Variants in FMNL3 observed in about 807,000 individuals in gnomAD.
The protein encoded by FMNL3 is formin like 3.
A neutral mutation model predicts 119.6 loss-of-function variants in FMNL3; 57 were observed. That is an observed-to-expected ratio of 0.48 (90% CI 0.39 to 0.59). FMNL3 has a LOEUF of 0.59. FMNL3 is among the 20% of genes least tolerant of loss of function. FMNL3 has a pLI of 0.00. For synonymous variants in FMNL3, 491 were observed against 507.3 expected (o/e 0.97, Z 0.43); for missense variants, 1,053 against 1,323.5 (o/e 0.80, Z 3.17).
rs781235317 is a variant in FMNL3 at position 49,636,817 on chromosome 12, C to A, written c.*8998G>T. 1.2e-5 allele frequency: 20 copies of A among 1,614,156 alleles called. No individual in the cohort carries two copies. Among genetic ancestry groups the A allele is most frequent in the Non-Finnish European group, 1.7e-5 (20 of 1,180,022 alleles). The stretch of plus-strand genomic sequence containing the variant: ...GGAGCGGGCCCGGCTTCGGGAGCGA[C>A]GCCAACAACGCAAGAATCGGGAGGC... On this transcript the variant is annotated 3_prime_UTR_variant, in exon 26 of 26. Transcript: ENST00000335154.
At chr12:49,688,798 C>A (rs980527736) in intron 1 of FMNL3, among the ~76,000 whole-genome samples, 14 of 152,094 alleles carry the variant, frequency 9.2e-5, no homozygotes, top group Admixed American at 7.2e-4. Flanking sequence ...CCATTCCCCC[C>A]AAAATACAAT....
At position 49,707,335 on chromosome 12, in the gene FMNL3, C is replaced by T; in HGVS notation, c.-155G>A. Reference sequence around the variant, plus strand: ...GCGCCGGGGGTTCCCTGGAGTCCCGCTGGCGGGGGCGCGCGGCGAGGGCGG... The same window carrying T: ...GCGCCGGGGGTTCCCTGGAGTCCCGTTGGCGGGGGCGCGCGGCGAGGGCGG... On this transcript the variant is annotated 5_prime_UTR_variant, in exon 1 of 26. Transcript: ENST00000335154. The T allele has an allele frequency of 1.7e-6, 1 of 600,396 alleles. No homozygotes were observed. The highest frequency in any genetic ancestry group is 2.5e-6 in the Non-Finnish European group (1 of 392,284). The allele number at this position is 600,396 out of a possible 1,614,324, so 37.2% of individuals were successfully genotyped here. A position where few individuals can be genotyped will look rare whatever the true frequency, so the allele number is the denominator to read the frequency against.
In FMNL3 at chr12:49,693,690, C is replaced by CCAG. The variant is rs1425960580; in HGVS notation, c.126+13362_126+13364dup. On this transcript the variant is annotated intron_variant, in intron 1 of 25. Transcript: ENST00000335154. ...TGAGACAGAGTTTCGCTCTTGTTGC[C>CCAG]CAGGCTGGAGTGCAATGGTGCAATC... is the stretch of plus-strand genomic sequence containing the variant. 9.6e-5 allele frequency among the ~76,000 whole-genome samples: 13 copies of CCAG among 134,796 alleles called. No homozygotes were observed. The East Asian group carries it at 2.8e-3, about 29-fold the overall frequency. The allele number at this position is 134,796 out of a possible 152,430, so 88.4% of individuals were successfully genotyped here.
At chr12:49,646,187 C>T (rs1447884305) in intron 25 of FMNL3, among the ~76,000 whole-genome samples, 1 of 152,114 alleles carries the variant, frequency 6.6e-6, no homozygotes, top group Admixed American at 6.5e-5. Context: ...GGAAAAGACC[C>T]CAGGCTGACT....
chr12:49,638,463 A>G lies in FMNL3; in HGVS notation c.*7352T>C, dbSNP rs1226057163. ...CACCATTCCTTAGTGCCTTCTTGAT[A>G]CTGTCGCAAGTGTCAGCTGCCATTT... On this transcript the variant is annotated 3_prime_UTR_variant, in exon 26 of 26. Coordinates refer to ENST00000335154, the MANE Select transcript of FMNL3 (RefSeq NM_175736.5). The G allele has an allele frequency of 6.6e-6, 1 of 152,240 alleles. No individual in the cohort carries two copies. Among genetic ancestry groups the G allele is most frequent in the Non-Finnish European group, 1.5e-5 (1 of 68,054 alleles). The allele number at this position is 152,240 out of a possible 1,614,324, so 9.4% of individuals were successfully genotyped here.
At chr12:49,667,629 A>G (rs1310147285) in intron 2 of FMNL3, among the ~76,000 whole-genome samples, 4 of 152,146 alleles carry the variant, frequency 2.6e-5, no homozygotes, top group African/African-American at 9.7e-5. Context: ...AAATGCCAAC[A>G]CTGCCTTCCT....
At chr12:49,692,142 C>T (rs1944623193) in intron 1 of FMNL3, among the ~76,000 whole-genome samples, 1 of 151,570 alleles carries the variant, frequency 6.6e-6, no homozygotes, top group Non-Finnish European at 1.5e-5. Context: ...TGCTTGAGCC[C>T]ATGAGTTCAA....
chr12:49,650,031 G>C (rs1007607044), intron 17 of FMNL3, 106 bp from the exon 18 acceptor site: 2 of 966,576 alleles, frequency 2.1e-6, no homozygotes, highest in African/African-American at 3.3e-5. Context: ...GACTGTACAC[G>C]GAACACAGCC....
intron 10 of FMNL3, 110 bp from the exon 11 acceptor site, chr12:49,654,412 G>A: frequency 2.5e-6 from 2 of 789,948 alleles, no homozygotes; most frequent in Non-Finnish European, 2.1e-6. Flanking sequence ...ATAATTACAG[G>A]GAGTCAATTA....
intron 10 of FMNL3, 28 bp from the exon 11 acceptor site, chr12:49,654,330 G>T: frequency 6.3e-7 from 1 of 1,595,048 alleles, no homozygotes; most frequent in South Asian, 1.1e-5. Flanking sequence ...CAGAGAAGCA[G>T]CAACAGGAAG....
chr12:49,677,981 G>A (rs779542541), intron 1 of FMNL3, among the ~76,000 whole-genome samples: 24 of 152,064 alleles, frequency 1.6e-4, no homozygotes, highest in Non-Finnish European at 3.4e-4. Context: ...TCCTGCCTCA[G>A]CCTCCCAAGT....
At position 49,637,614 on chromosome 12, in the gene FMNL3, C is replaced by T. The variant is rs756478016; in HGVS notation, c.*8201G>A. ...GGCAGCCAGGCTCCCCCTTCTCTGG[C>T]CTGGCTTCCTGCCCTGCCAGCCTCT... is the stretch of plus-strand genomic sequence containing the variant. On this transcript the variant is annotated 3_prime_UTR_variant, in exon 26 of 26. Coordinates refer to ENST00000335154, the MANE Select transcript of FMNL3 (RefSeq NM_175736.5). The T allele has an allele frequency of 1.9e-6, 3 of 1,598,138 alleles. No homozygotes were observed. In the South Asian group the frequency reaches 3.3e-5, roughly 18 times the overall value.
chr12:49,671,045 A>C (rs949937785), intron 1 of FMNL3, among the ~76,000 whole-genome samples: 1 of 152,240 alleles, frequency 6.6e-6, no homozygotes, highest in Non-Finnish European at 1.5e-5. Flanking sequence ...CTCCCCTGGA[A>C]GAAAGCTGCT....
At chr12:49,668,170 G>A (rs1038997386) in intron 2 of FMNL3, among the ~76,000 whole-genome samples, 12 of 152,124 alleles carry the variant, frequency 7.9e-5, no homozygotes, top group African/African-American at 1.7e-4. Flanking sequence ...GCACCCTACC[G>A]GGCATAGCCC....
chr12:49,642,989 C>T lies in FMNL3; in HGVS notation c.*2826G>A. On this transcript the variant is annotated 3_prime_UTR_variant, in exon 26 of 26. Transcript: ENST00000335154. This position sits in a 1 kb window ranked among gnomAD's most constrained non-coding sequence, Gnocchi z 5.8. Reference sequence around the variant, plus strand: ...AGCATGGCAGGAAAGGCAAGAAGCACCATCACAAGCGTTCCCACTCACCCT... The same window carrying T: ...AGCATGGCAGGAAAGGCAAGAAGCATCATCACAAGCGTTCCCACTCACCCT... The T allele has an allele frequency of 1.9e-6, 3 of 1,613,812 alleles. No homozygotes were observed. The highest frequency in any genetic ancestry group is 2.5e-6 in the Non-Finnish European group (3 of 1,179,868).
intron 1 of FMNL3, among the ~76,000 whole-genome samples, chr12:49,686,994 C>A (rs1944480749): frequency 6.6e-6 from 1 of 152,166 alleles, no homozygotes; most frequent in South Asian, 2.1e-4. Flanking sequence ...CACACTCAGG[C>A]ACTGGGATCC....
At chr12:49,685,640 C>T (rs1944437916) in intron 1 of FMNL3, among the ~76,000 whole-genome samples, 1 of 152,196 alleles carries the variant, frequency 6.6e-6, no homozygotes, top group African/African-American at 2.4e-5. Context: ...ACGTGCTGTT[C>T]AGTGACTTTA....
At chr12:49,655,075 A>T in intron 9 of FMNL3, 91 bp from the exon 10 acceptor site, 2 of 1,142,454 alleles carry the variant, frequency 1.8e-6, no homozygotes, top group Non-Finnish European at 2.6e-6. Context: ...ATGGCAAAGG[A>T]CTGGTTCAGA....
At position 49,647,519 on chromosome 12, in the gene FMNL3, A is replaced by G; in HGVS notation, c.2779-151T>C. 1 of 1,005,428 alleles carries G rather than the reference A, an allele frequency of 9.9e-7. No individual in the cohort carries two copies. Among genetic ancestry groups the G allele is most frequent in the East Asian group, 2.4e-5 (1 of 40,890 alleles). The allele number at this position is 1,005,428 out of a possible 1,614,324, so 62.3% of individuals were successfully genotyped here. A position where few individuals can be genotyped will look rare whatever the true frequency, so the allele number is the denominator to read the frequency against. The stretch of plus-strand genomic sequence containing the variant: ...GGCACTTCCTGCCCCAAACAATGAC[A>G]GGAAGGTCCTGGGCCCCACCCTGCC... On this transcript the variant is annotated intron_variant, in intron 23 of 25. Coordinates refer to ENST00000335154, the MANE Select transcript of FMNL3 (RefSeq NM_175736.5). The surrounding 1 kb of genome is among the most constrained non-coding windows in gnomAD (Gnocchi z 4.9).
Sources: gnomAD v4.1 joint callset for allele counts (sites outside exome capture counted in the v4.1 genomes callset) on GRCh38, gnomAD v4.1.1 for gene constraint, Gnocchi (gnomAD v3.1) non-coding constraint, MANE v1.5 for transcripts, NCBI Gene and HGNC (gene_info 2026-07-23, HGNC 2026-07-21) for gene names.